BOK: variants seen among roughly 807,000 people sequenced by gnomAD.
BOK encodes bcl-2-related ovarian killer protein.
BOK carries 20 observed loss-of-function variants against 18.3 expected under a neutral mutation model. That is an observed-to-expected ratio of 1.09 (90% CI 0.77 to 1.59). The LOEUF is 1.59. Among genes scored for constraint, BOK ranks in the 40% most tolerant of loss-of-function variants. BOK has a pLI of 0.00. For synonymous variants in BOK, 173 were observed against 142.4 expected (o/e 1.21, Z -1.53); for missense variants, 348 against 307.9 (o/e 1.13, Z -0.97).
intron 3 of BOK, among the ~76,000 whole-genome samples, chr2:241,569,420 C>T (rs1302472861): frequency 3.3e-5 from 5 of 152,224 alleles, no homozygotes; most frequent in South Asian, 2.1e-4. Context: ...CGTGAGCCAC[C>T]GCGCCTGGCG....
chr2:241,565,990 G>T (rs986687509), intron 3 of BOK, among the ~76,000 whole-genome samples: 37 of 152,082 alleles, frequency 2.4e-4, no homozygotes, highest in African/African-American at 8.4e-4. Flanking sequence ...TTTATTATAA[G>T]AAAAATAAAA....
chr2:241,555,170 T>C (rs2066440833), upstream of BOK, among the ~76,000 whole-genome samples: 1 of 152,116 alleles, frequency 6.6e-6, no homozygotes, highest in Non-Finnish European at 1.5e-5. Context: ...CCAGATTGCT[T>C]AATCTCCTCA....
upstream of BOK, among the ~76,000 whole-genome samples, chr2:241,557,456 C>A (rs899364554): frequency 6.6e-6 from 1 of 151,898 alleles, no homozygotes; most frequent in Admixed American, 6.6e-5. Context: ...ATTACAGACA[C>A]CTGCCACCAC....
At chr2:241,553,957 T>C (rs985195517), upstream of BOK, among the ~76,000 whole-genome samples, 2 of 152,174 alleles carry the variant, frequency 1.3e-5, no homozygotes, top group African/African-American at 4.8e-5. Context: ...GGGTAGAGTC[T>C]CAGATCTGCC....
chr2:241,560,259 T>C, intron 2 of BOK: 1 of 985,388 alleles, frequency 1.0e-6, no homozygotes, highest in Non-Finnish European at 1.2e-6. Flanking sequence ...CCCCACCGTC[T>C]CCAAGGTCTG....
Position 241,565,562 on chromosome 2 carries a change from C to T in BOK, c.349+3086C>T, listed in dbSNP as rs533809174. 1.3e-4 allele frequency among the ~76,000 whole-genome samples: 13 copies of T among 97,128 alleles called. No individual in the cohort carries two copies. The East Asian group carries it at 3.8e-3, about 29-fold the overall frequency. The allele number at this position is 97,128 out of a possible 152,430, so 63.7% of individuals were successfully genotyped here. A position where few individuals can be genotyped will look rare whatever the true frequency, so the allele number is the denominator to read the frequency against. On this transcript the variant is annotated intron_variant, in intron 3 of 4. Transcript: ENST00000318407. ...CCCTCCCACGCCAGCCATCCCTGCA[C>T]GCTCTGACCCCCGGTCTTCCTCCCT... is the stretch of plus-strand genomic sequence containing the variant.
intron 3 of BOK, among the ~76,000 whole-genome samples, chr2:241,567,852 CA>C (rs2066639770): frequency 1.3e-5 from 1 of 79,674 alleles, no homozygotes; most frequent in African/African-American, 5.7e-5. Context: ...GCATCTGCCA[CA>C]TTCCCAGTGT....
In BOK at chr2:241,560,138, C is replaced by T. The variant is rs372077787; in HGVS notation, c.220+435C>T. On this transcript the variant is annotated intron_variant, in intron 2 of 4. Coordinates refer to ENST00000318407, the MANE Select transcript of BOK (RefSeq NM_032515.5). ...GATTCCGAGGCCTCCGAGGCCCCCC[C>T]ATTGGAAACTGCGCCCACCGGGCTG... 3,097 of 985,416 alleles carry T rather than the reference C, an allele frequency of 3.1e-3. 4 individuals carry two copies. Among genetic ancestry groups the T allele is most frequent in the Non-Finnish European group, 3.5e-3 (2,886 of 829,930 alleles). The allele number at this position is 985,416 out of a possible 1,614,324, so 61.0% of individuals were successfully genotyped here.
rs1238507501 is a variant in BOK, at chr2:241,572,865, C to CG, written c.*445dup. The CG allele has an allele frequency of 6.8e-5, 10 of 147,514 alleles. No homozygotes were observed. Among genetic ancestry groups the CG allele is most frequent in the African/African-American group, 1.2e-4 (4 of 33,252 alleles). 9.1% of individuals were successfully genotyped at this position (147,514 alleles called of 1,614,324 possible). A position where few individuals can be genotyped will look rare whatever the true frequency, so the allele number is the denominator to read the frequency against. Reference sequence around the variant, plus strand: ...CACCTGAACCCCAGGTGAAGGGGCCCGGAACACCTGCTCTCACCTGAGCCC... The same window carrying CG: ...CACCTGAACCCCAGGTGAAGGGGCCCGGGAACACCTGCTCTCACCTGAGCCC... On this transcript the variant is annotated 3_prime_UTR_variant, in exon 5 of 5. Transcript: ENST00000318407.
At position 241,573,605 on chromosome 2, in the gene BOK, C is replaced by T. The variant is rs1260846635; in HGVS notation, c.*1183C>T. On this transcript the variant is annotated 3_prime_UTR_variant, in exon 5 of 5. Transcript: ENST00000318407. The stretch of plus-strand genomic sequence containing the variant: ...GGTGGGGACCGGGGCCGGCGGGCTC[C>T]AGGCCAGCACACCTAACCCATGGAT... 6.6e-6 allele frequency: 1 copy of T among 152,338 alleles called. No individual in the cohort carries two copies. The highest frequency in any genetic ancestry group is 1.5e-5 in the Non-Finnish European group (1 of 68,126). The allele number at this position is 152,338 out of a possible 1,614,324, so 9.4% of individuals were successfully genotyped here.
chr2:241,563,956 C>T (rs931912141), intron 3 of BOK, among the ~76,000 whole-genome samples: 4 of 152,184 alleles, frequency 2.6e-5, no homozygotes, highest in East Asian at 1.9e-4. Flanking sequence ...CTCTCCCAGA[C>T]GTCTCCTCCG....
At chr2:241,559,421 C>T (rs2066489655) in intron 1 of BOK, 34 bp from the exon 2 acceptor site, 5 of 1,272,114 alleles carry the variant, frequency 3.9e-6, no homozygotes, top group East Asian at 3.2e-5. Flanking sequence ...CCCGCGCCGC[C>T]TCCCTCCACC....
upstream of BOK, among the ~76,000 whole-genome samples, chr2:241,556,419 C>T (rs1316912336): frequency 6.6e-6 from 1 of 152,114 alleles, no homozygotes; most frequent in Admixed American, 6.6e-5. Flanking sequence ...CCCCTCTCTA[C>T]CAAAAATACA....
At chr2:241,568,716 C>A (rs567626974) in intron 3 of BOK, among the ~76,000 whole-genome samples, 94 of 152,384 alleles carry the variant, frequency 6.2e-4, no homozygotes, top group Admixed American at 2.1e-3. Flanking sequence ...CTGTGCCCAG[C>A]CTGCCTTCTG....
chr2:241,568,835 G>C (rs2066658396), intron 3 of BOK, among the ~76,000 whole-genome samples: 1 of 152,272 alleles, frequency 6.6e-6, no homozygotes, highest in Non-Finnish European at 1.5e-5. Context: ...GTCTGTGACT[G>C]AGTGTTTGTT....
intron 3 of BOK, among the ~76,000 whole-genome samples, chr2:241,568,442 G>C (rs2066650929): frequency 6.7e-6 from 1 of 150,168 alleles, no homozygotes. Flanking sequence ...TTTTGAGATA[G>C]AATCTTGCTC....
At chr2:241,553,186 T>C (rs1011251511) in intron 1 of BOK, among the ~76,000 whole-genome samples, 1 of 151,480 alleles carries the variant, frequency 6.6e-6, no homozygotes, top group Admixed American at 6.6e-5. Context: ...GTTTCACCCT[T>C]GTAGCCCAGG....
In BOK at chr2:241,562,526, C is replaced by A. The variant is rs966892792; in HGVS notation, c.349+50C>A. 1 of 1,560,918 alleles carries A rather than the reference C, an allele frequency of 6.4e-7. No individual in the cohort carries two copies. The highest frequency in any genetic ancestry group is 1.8e-5 in the Admixed American group (1 of 54,898). On this transcript the variant is annotated intron_variant, in intron 3 of 4. Transcript: ENST00000318407. This position sits in a 1 kb window ranked among gnomAD's most constrained non-coding sequence, Gnocchi z 4.5. ...GGGACCTCAGGGAGGGATCCAGGGT[C>A]TGTGGCTCAGGCTCACAGGGACCCC...
intron 3 of BOK, among the ~76,000 whole-genome samples, chr2:241,566,649 G>A (rs573736899): frequency 4.6e-5 from 7 of 151,856 alleles, no homozygotes; most frequent in Non-Finnish European, 8.8e-5. Context: ...GTGACTTCCC[G>A]TGTCTTTCAA....
Sources: gnomAD v4.1 joint callset for allele counts (sites outside exome capture counted in the v4.1 genomes callset) on GRCh38, gnomAD v4.1.1 for gene constraint, Gnocchi (gnomAD v3.1) non-coding constraint, MANE v1.5 for transcripts, NCBI Gene and HGNC (gene_info 2026-07-23, HGNC 2026-07-21) for gene names.